CDH13: variants seen among roughly 807,000 people sequenced by gnomAD.
CDH13 encodes cadherin 13, also known as cadherin-13.
In CDH13, 24 loss-of-function variants were observed where a neutral mutation model predicts 63.8. The observed-to-expected ratio is 0.38, with a 90% CI of 0.27 to 0.53. The LOEUF (loss-of-function observed/expected upper bound fraction) is 0.53, where lower values mean the gene tolerates loss of function less well. Among genes scored for constraint, CDH13 ranks in the 20% least tolerant of loss-of-function variants. The pLI is 0.85. For missense variants in CDH13, 1,049 were observed against 903.1 expected (o/e 1.16, Z -2.07); for synonymous variants, 503 against 355.3 (o/e 1.42, Z -4.67).
At chr16:83,737,358 G>T (rs1342330768) in intron 10 of CDH13, among the ~76,000 whole-genome samples, 1 of 152,150 alleles carries the variant, frequency 6.6e-6, no homozygotes, top group Admixed American at 6.5e-5. Context: ...TAAAAGAACA[G>T]TTTAAGCCAA....
At chr16:83,076,635 T>TCA (rs150845731) in intron 3 of CDH13, among the ~76,000 whole-genome samples, 8,287 of 150,024 alleles carry the variant, frequency 0.055, 247 homozygotes, top group South Asian at 0.12. Flanking sequence ...AATATACACA[T>TCA]CACACACACA....
chr16:82,792,600 A>C (rs1248628697), intron 1 of CDH13, among the ~76,000 whole-genome samples: 1 of 152,134 alleles, frequency 6.6e-6, no homozygotes, highest in African/African-American at 2.4e-5. Flanking sequence ...CAAGTGTCAT[A>C]TGCCACTGCA....
At chr16:82,692,536 C>A (rs541062778) in intron 1 of CDH13, among the ~76,000 whole-genome samples, 2 of 152,266 alleles carry the variant, frequency 1.3e-5, no homozygotes, top group Admixed American at 6.5e-5. Flanking sequence ...GAAAGAGCCA[C>A]CCCCATGATT....
chr16:82,959,576 C>G (rs1906643716), intron 2 of CDH13, among the ~76,000 whole-genome samples: 1 of 152,178 alleles, frequency 6.6e-6, no homozygotes. Flanking sequence ...GTAGTTACAT[C>G]TCCTTTGCAC....
intron 5 of CDH13, among the ~76,000 whole-genome samples, chr16:83,301,310 C>A (rs1382820290): frequency 6.6e-6 from 1 of 152,062 alleles, no homozygotes; most frequent in African/African-American, 2.4e-5. Flanking sequence ...GGATTACAGG[C>A]GTGAGCCACC....
intron 7 of CDH13, among the ~76,000 whole-genome samples, chr16:83,524,166 G>A (rs2074903171): frequency 6.6e-6 from 1 of 152,092 alleles, no homozygotes; most frequent in African/African-American, 2.4e-5. Context: ...TAAGCTTGTG[G>A]GTTTGCACGA....
Position 82,870,264 on chromosome 16 carries a change from C to T in CDH13, c.157+11791C>T, listed in dbSNP as rs182588022. On this transcript the variant is annotated intron_variant, in intron 2 of 13. Transcript: ENST00000567109. Reference sequence around the variant, plus strand: ...AAATGCAAAAAAATGTATATATAAACATATTCTCTCCCTGCAGTTAAAATG... The same window carrying T: ...AAATGCAAAAAAATGTATATATAAATATATTCTCTCCCTGCAGTTAAAATG... Among the ~76,000 whole-genome samples the T allele has an allele frequency of 2.8e-4, 43 of 152,176 alleles. 2 individuals carry two copies. The highest frequency in any genetic ancestry group is 9.2e-4 in the African/African-American group (38 of 41,512).
intron 1 of CDH13, among the ~76,000 whole-genome samples, chr16:82,683,240 G>T (rs913591762): frequency 1.3e-5 from 2 of 152,130 alleles, no homozygotes; most frequent in Non-Finnish European, 2.9e-5. Flanking sequence ...TTACCTGTTT[G>T]CCCCTTTCTG....
intron 1 of CDH13, among the ~76,000 whole-genome samples, chr16:82,667,757 G>C (rs1471682556): frequency 6.6e-6 from 1 of 152,004 alleles, no homozygotes; most frequent in African/African-American, 2.4e-5. Context: ...CTCCCCTTCT[G>C]AGCCGCCACA....
intron 5 of CDH13, among the ~76,000 whole-genome samples, chr16:83,318,207 G>T (rs2090146044): frequency 6.6e-6 from 1 of 152,190 alleles, no homozygotes; most frequent in African/African-American, 2.4e-5. Context: ...ACAAGATTAT[G>T]TAGGGCTCAT....
chr16:83,238,398 C>T (rs1341280420), intron 5 of CDH13, among the ~76,000 whole-genome samples: 3 of 152,128 alleles, frequency 2.0e-5, no homozygotes, highest in East Asian at 1.9e-4. Flanking sequence ...TTCACTATCA[C>T]GAGAACAGCA....
At chr16:82,735,465 T>C (rs953649830) in intron 1 of CDH13, among the ~76,000 whole-genome samples, 1 of 152,234 alleles carries the variant, frequency 6.6e-6, no homozygotes, top group African/African-American at 2.4e-5. Context: ...TGCGACTTCA[T>C]GAACTAGAGT....
chr16:83,238,708 A>G (rs1484327800), intron 5 of CDH13, among the ~76,000 whole-genome samples: 2 of 151,086 alleles, frequency 1.3e-5, no homozygotes, highest in Non-Finnish European at 2.9e-5. Context: ...TCTTTCAGAA[A>G]TAACATTTAA....
chr16:83,224,431 T>C (rs1340441201), intron 5 of CDH13, among the ~76,000 whole-genome samples: 1 of 152,220 alleles, frequency 6.6e-6, no homozygotes, highest in Non-Finnish European at 1.5e-5. Context: ...AGAAGCTTAG[T>C]TGCCCAAAGG....
At chr16:82,734,176 G>A (rs78581083) in intron 1 of CDH13, among the ~76,000 whole-genome samples, 2,172 of 152,292 alleles carry the variant, frequency 0.014, 48 homozygotes, top group African/African-American at 0.05. Context: ...CCCACTACTT[G>A]TTTTCATGAA....
chr16:83,486,275 T>C (rs995269957), intron 6 of CDH13, among the ~76,000 whole-genome samples: 4 of 152,218 alleles, frequency 2.6e-5, no homozygotes, highest in Admixed American at 6.5e-5. Context: ...CTTCTTTATT[T>C]CAGGTCTTTT....
intron 13 of CDH13, among the ~76,000 whole-genome samples, chr16:83,793,179 A>C (rs1430893292): frequency 6.6e-6 from 1 of 152,206 alleles, no homozygotes; most frequent in Non-Finnish European, 1.5e-5. Context: ...TACTGTAGAC[A>C]CAGTAGTTTA....
chr16:82,699,426 C>A (rs1426720982), intron 1 of CDH13, among the ~76,000 whole-genome samples: 1 of 152,112 alleles, frequency 6.6e-6, no homozygotes, highest in Non-Finnish European at 1.5e-5. Flanking sequence ...TCAACCCAGC[C>A]CAGACTGAGA....
At chr16:83,275,911 C>A (rs1029512147) in intron 5 of CDH13, among the ~76,000 whole-genome samples, 1 of 152,098 alleles carries the variant, frequency 6.6e-6, no homozygotes, top group Admixed American at 6.5e-5. Context: ...GAAGCACTTT[C>A]GTTTTTATGC....
Sources: allele counts gnomAD v4.1 joint callset (sites outside exome capture counted in the v4.1 genomes callset), GRCh38; gene constraint gnomAD v4.1.1; transcripts MANE v1.5; gene names NCBI Gene and HGNC (gene_info 2026-07-23, HGNC 2026-07-21).